Variants in DYNC2H1 observed in about 807,000 individuals in gnomAD.
The protein encoded by DYNC2H1 is dynein cytoplasmic 2 heavy chain 1, also known as cytoplasmic dynein 2 heavy chain 1.
Under a neutral mutation model 570.0 loss-of-function variants are expected in DYNC2H1, and 410 were observed. That is an observed-to-expected ratio of 0.72 (90% confidence interval 0.66 to 0.78). The LOEUF (loss-of-function observed/expected upper bound fraction) is 0.78. DYNC2H1 is among the 30% of genes least tolerant of loss of function. DYNC2H1 has a pLI of 0.00. For synonymous variants in DYNC2H1, 1,688 were observed against 1,677.6 expected, an observed-to-expected ratio of 1.01 and a Z score of -0.15; for missense variants, 4,865 against 5,046.4, an observed-to-expected ratio of 0.96 and a Z score of 1.09.
intron 76 of DYNC2H1, among the ~76,000 whole-genome samples, 183 bp downstream of exon 76, chr11:103,303,436 A>T (rs1264161442): frequency 6.6e-6 from 1 of 152,130 alleles, no homozygotes; most frequent in Non-Finnish European, 1.5e-5. Context: ...TGCTGATGTA[A>T]TTGAGGATCT....
chr11:103,306,198 C>A (rs1867277402), intron 77 of DYNC2H1, among the ~76,000 whole-genome samples: 1 of 152,166 alleles, frequency 6.6e-6, no homozygotes, highest in Admixed American at 6.6e-5. Flanking sequence ...CAGGCGTGAG[C>A]CATCGCGCCT....
intron 75 of DYNC2H1, among the ~76,000 whole-genome samples, chr11:103,300,763 C>A (rs1284728321): frequency 6.6e-6 from 1 of 151,748 alleles, no homozygotes; most frequent in Non-Finnish European, 1.5e-5. Context: ...GTGAAAGATT[C>A]AGTATGATTC....
In DYNC2H1 at chr11:103,160,467, A is replaced by G. The variant is rs572705148; in HGVS notation, c.4379-465A>G. On this transcript the variant is annotated intron_variant, in intron 28 of 88. Transcript: ENST00000375735. ...GGAATTGCTAAGTCATATAGTAAATATATGTTTAACTTTTTTAGAAACTGC... is the reference window on the plus strand; with the variant it reads ...GGAATTGCTAAGTCATATAGTAAATGTATGTTTAACTTTTTTAGAAACTGC... Among the ~76,000 whole-genome samples the G allele has an allele frequency of 1.8e-4, 27 of 151,468 alleles. No homozygotes were observed. The South Asian group carries it at 5.0e-3, about 28-fold the overall frequency.
In DYNC2H1 at chr11:103,347,662, T is replaced by C. The variant is rs529591606; in HGVS notation, c.12040-10581T>C. 1.2e-3 allele frequency among the ~76,000 whole-genome samples: 182 copies of C among 152,344 alleles called. 1 individual carries two copies. The highest frequency in any genetic ancestry group is 4.1e-3 in the African/African-American group (172 of 41,586). On this transcript the variant is annotated intron_variant, in intron 82 of 88. Transcript: ENST00000375735. ...TTGAAAATGTTCATAGTAAAATTAA[T>C]ATTTAAAAGTTTTTAAAATGTCGTG...
chr11:103,308,210 C>T (rs1259046244), intron 78 of DYNC2H1, among the ~76,000 whole-genome samples: 1 of 152,154 alleles, frequency 6.6e-6, no homozygotes, highest in Non-Finnish European at 1.5e-5. Flanking sequence ...CTGGCAACCA[C>T]CATTTTACTT....
At position 103,260,603 on chromosome 11, in the gene DYNC2H1, C is replaced by T. The variant is rs557779620; in HGVS notation, c.10695+626C>T. On this transcript the variant is annotated intron_variant, in intron 70 of 88. Transcript: ENST00000375735. ...TTTTAGATATTAGAAAACGCAGAGG[C>T]CTTTTTGTACTTAGAATTTTTTTTT... Among the ~76,000 whole-genome samples the T allele has an allele frequency of 7.3e-5, 11 of 150,816 alleles. No homozygotes were observed. The South Asian group carries it at 2.3e-3, about 31-fold the overall frequency.
intron 47 of DYNC2H1, among the ~76,000 whole-genome samples, chr11:103,194,345 T>G (rs1271173475): frequency 6.6e-6 from 1 of 152,172 alleles, no homozygotes; most frequent in Non-Finnish European, 1.5e-5. Context: ...TTGTTTTCAG[T>G]TTTTGGCTGT....
chr11:103,122,578 C>T (rs1162232155), intron 10 of DYNC2H1, among the ~76,000 whole-genome samples: 1 of 152,198 alleles, frequency 6.6e-6, no homozygotes, highest in East Asian at 1.9e-4. Context: ...CCTTTACCCT[C>T]CATTTTATTC....
At chr11:103,457,202 T>C (rs888071887) in intron 87 of DYNC2H1, among the ~76,000 whole-genome samples, 1 of 152,244 alleles carries the variant, frequency 6.6e-6, no homozygotes, top group Non-Finnish European at 1.5e-5. Flanking sequence ...CATATAATTA[T>C]GTATAGTACA....
At chr11:103,378,234 G>C (rs2671383) in intron 83 of DYNC2H1, among the ~76,000 whole-genome samples, 1 of 151,848 alleles carries the variant, frequency 6.6e-6, no homozygotes, top group Non-Finnish European at 1.5e-5. Flanking sequence ...TTTCACACAG[G>C]CAACAGAGTA....
In DYNC2H1 at chr11:103,468,611, G is replaced by C; in HGVS notation, c.12671G>C (p.Gly4224Ala). 1.9e-6 allele frequency: 3 copies of C among 1,613,404 alleles called. No individual in the cohort carries two copies. The highest frequency in any genetic ancestry group is 2.5e-6 in the Non-Finnish European group (3 of 1,179,580). The change falls in exon 88 of 89, where the codon GGA becomes GCA. Residue 4224 changes from glycine (G) to alanine (A), a missense_variant. By Grantham distance (60) the Gly-to-Ala change is moderately conservative. Coordinates refer to ENST00000375735, the MANE Select transcript of DYNC2H1 (RefSeq NM_001377.3). The stretch of plus-strand genomic sequence containing the variant: ...CAGATCAGTGGCTTGTTACTAGAAG[G>C]ATGTAGTTTTGATGGAAATCAACTT... ...QIKISGLLLE[G>A]CSFDGNQLSE...
At chr11:103,322,996 C>T (rs560263213) in intron 81 of DYNC2H1, among the ~76,000 whole-genome samples, 1 of 152,246 alleles carries the variant, frequency 6.6e-6, no homozygotes, top group South Asian at 2.1e-4. Flanking sequence ...TATTTACAGG[C>T]CCCGGACTTC....
At chr11:103,286,222 A>G in intron 73 of DYNC2H1, 33 bp from the exon 74 acceptor site, 1 of 1,602,714 alleles carries the variant, frequency 6.2e-7, no homozygotes, top group Non-Finnish European at 8.5e-7. Flanking sequence ...ATTTGCTTAT[A>G]GCTCACTGTA....
intron 82 of DYNC2H1, among the ~76,000 whole-genome samples, chr11:103,332,382 G>A (rs1938860308): frequency 6.7e-6 from 1 of 150,076 alleles, no homozygotes; most frequent in Non-Finnish European, 1.5e-5. Context: ...TCTAACCATT[G>A]TATAATTAGT....
intron 36 of DYNC2H1, among the ~76,000 whole-genome samples, chr11:103,174,608 C>CTTGTTT (rs1861719320): frequency 6.6e-6 from 1 of 152,098 alleles, no homozygotes; most frequent in Non-Finnish European, 1.5e-5. Flanking sequence ...TGTCTTGAAA[C>CTTGTTT]AAGAACAGAA....
chr11:103,146,862 C>T (rs1860267128), intron 18 of DYNC2H1, among the ~76,000 whole-genome samples: 1 of 152,230 alleles, frequency 6.6e-6, no homozygotes, highest in South Asian at 2.1e-4. Context: ...CTTCTGCCTC[C>T]CAAAGTGCTA....
At chr11:103,460,521 TTATAA>T (rs1343429886) in intron 87 of DYNC2H1, among the ~76,000 whole-genome samples, 4 of 151,468 alleles carry the variant, frequency 2.6e-5, no homozygotes, top group African/African-American at 9.7e-5. Flanking sequence ...TAAAATAAGA[TTATAA>T]TATTAGTATC....
At chr11:103,183,576 T>A (rs978372381) in intron 40 of DYNC2H1, among the ~76,000 whole-genome samples, 9 of 151,954 alleles carry the variant, frequency 5.9e-5, no homozygotes, top group African/African-American at 1.9e-4. Flanking sequence ...CCACAATGAA[T>A]TCTCTAGTCA....
chr11:103,212,072 A>G (rs1206120874), intron 54 of DYNC2H1, 129 bp downstream of exon 54: 1 of 1,149,860 alleles, frequency 8.7e-7, no homozygotes, highest in East Asian at 3.2e-5. Flanking sequence ...AGCCTTGGAA[A>G]ACAGTCTCAC....
Sources: allele counts gnomAD v4.1 joint callset (sites outside exome capture counted in the v4.1 genomes callset), GRCh38; gene constraint gnomAD v4.1.1; transcripts MANE v1.5; gene names NCBI Gene and HGNC (gene_info 2026-07-23, HGNC 2026-07-21).